ZNF362: variants seen among roughly 807,000 people sequenced by gnomAD.
The protein encoded by ZNF362 is zinc finger protein 362.
Under a neutral mutation model 42.9 loss-of-function variants are expected in ZNF362, and 11 were observed. The observed-to-expected ratio is 0.26, with a 90% confidence interval of 0.16 to 0.42. The LOEUF is 0.42. ZNF362 is among the 20% of genes least tolerant of loss of function. The pLI is 1.00. For synonymous variants in ZNF362, 255 were observed against 257.3 expected, an observed-to-expected ratio of 0.99 and a Z score of 0.09; for missense variants, 362 against 576.2, an observed-to-expected ratio of 0.63 and a Z score of 3.81.
chr1:33,165,410 G>C, the ZNF362 span: 8 of 1,177,658 alleles, frequency 6.8e-6, no homozygotes, highest in South Asian at 1.4e-5. This position sits in a 1 kb window ranked among gnomAD's most constrained non-coding sequence, Gnocchi z 4.0. Context: ...AGCTGGCCCC[G>C]CCCCTCGAAG....
intron 1 of ZNF362, among the ~76,000 whole-genome samples, chr1:33,260,780 C>T (rs1407615768): frequency 6.6e-6 from 1 of 152,118 alleles, no homozygotes; most frequent in East Asian, 1.9e-4. Flanking sequence ...TCTCCTTCCT[C>T]CCACCCCGGG....
intron 1 of ZNF362, among the ~76,000 whole-genome samples, chr1:33,264,537 T>C (rs2148068934): frequency 6.6e-6 from 1 of 152,244 alleles, no homozygotes; most frequent in South Asian, 2.1e-4. Flanking sequence ...GATGAGAAAA[T>C]TGAGGCTTGG....
chr1:33,223,090 A>T, the ZNF362 span, among the ~76,000 whole-genome samples: 4 of 152,038 alleles, frequency 2.6e-5, no homozygotes, highest in Non-Finnish European at 5.9e-5. Flanking sequence ...GTCTCTACTA[A>T]AAATACAAAA....
chr1:33,244,448 T>C, the ZNF362 span, among the ~76,000 whole-genome samples: 1 of 152,224 alleles, frequency 6.6e-6, no homozygotes, highest in Non-Finnish European at 1.5e-5. This position sits in a 1 kb window ranked among gnomAD's most constrained non-coding sequence, Gnocchi z 4.0. Flanking sequence ...TAGGCACTCT[T>C]TTAATCACTG....
At chr1:33,204,550 A>G in the ZNF362 span, among the ~76,000 whole-genome samples, 1 of 152,246 alleles carries the variant, frequency 6.6e-6, no homozygotes, top group Admixed American at 6.5e-5. Flanking sequence ...ATAAACCTGT[A>G]TATGGAATTC....
the ZNF362 span, among the ~76,000 whole-genome samples, chr1:33,248,251 C>G: frequency 6.6e-6 from 1 of 152,224 alleles, no homozygotes; most frequent in Non-Finnish European, 1.5e-5. Context: ...TAGGATTTAA[C>G]ATTGTCAGGA....
chr1:33,245,460 C>A, the ZNF362 span, among the ~76,000 whole-genome samples: 7 of 151,738 alleles, frequency 4.6e-5, no homozygotes, highest in Admixed American at 4.6e-4. Context: ...GCCCACCCCC[C>A]ACCAAAAAAA....
At chr1:33,210,636 T>C in the ZNF362 span, among the ~76,000 whole-genome samples, 1 of 152,208 alleles carries the variant, frequency 6.6e-6, no homozygotes, top group African/African-American at 2.4e-5. Context: ...ATATTTAGGA[T>C]AGTTAGCTCT....
the ZNF362 span, among the ~76,000 whole-genome samples, chr1:33,241,255 G>T: frequency 1.3e-5 from 2 of 152,162 alleles, no homozygotes; most frequent in Non-Finnish European, 2.9e-5. Flanking sequence ...AGCACTTTGG[G>T]AGGCTGAGGT....
At chr1:33,234,741 C>T in the ZNF362 span, among the ~76,000 whole-genome samples, 1 of 152,204 alleles carries the variant, frequency 6.6e-6, no homozygotes, top group Non-Finnish European at 1.5e-5. Context: ...CTGCACCTTT[C>T]AGGGCAGCAT....
At chr1:33,256,163 G>A (rs1471169950), upstream of ZNF362, among the ~76,000 whole-genome samples, 4 of 148,542 alleles carry the variant, frequency 2.7e-5, no homozygotes, top group East Asian at 2.0e-4. Context: ...GCGCAACTTT[G>A]CCAGGCGGTG....
In ZNF362 at chr1:33,262,001, G is replaced by C. The variant is rs560543894; in HGVS notation, c.-89+5347G>C. ...ATGCACAGGGTGTGCCTGGCACTTG[G>C]GGGGAGATTGAGGAAGCCAGCTGCA... On this transcript the variant is annotated intron_variant, in intron 1 of 8. Transcript: ENST00000539719. Among the ~76,000 whole-genome samples, 3 of 152,332 alleles carry C rather than the reference G, an allele frequency of 2.0e-5. No individual in the cohort carries two copies. The South Asian group carries it at 6.2e-4, about 32-fold the overall frequency.
upstream of ZNF362, among the ~76,000 whole-genome samples, chr1:33,252,300 C>T (rs780929390): frequency 6.6e-6 from 1 of 152,078 alleles, no homozygotes; most frequent in Non-Finnish European, 1.5e-5. Context: ...TGCGGTGAGC[C>T]GAGATTGCAT....
intron 6 of ZNF362, among the ~76,000 whole-genome samples, chr1:33,291,953 TAAG>T (rs1447226691): frequency 6.6e-6 from 1 of 152,250 alleles, no homozygotes; most frequent in Non-Finnish European, 1.5e-5. Flanking sequence ...CTTATCAGCT[TAAG>T]GAGATTTTGG....
chr1:33,237,054 A>G, the ZNF362 span, among the ~76,000 whole-genome samples: 1 of 152,152 alleles, frequency 6.6e-6, no homozygotes, highest in Non-Finnish European at 1.5e-5. Flanking sequence ...CTGGGCACAG[A>G]GCGAGATTCT....
chr1:33,223,016 G>A, the ZNF362 span, among the ~76,000 whole-genome samples: 1 of 152,162 alleles, frequency 6.6e-6, no homozygotes, highest in Non-Finnish European at 1.5e-5. Context: ...ACTTTGGGAG[G>A]CTGAGGTGGG....
the ZNF362 span, chr1:33,181,507 G>A: frequency 1.4e-6 from 2 of 1,472,926 alleles, no homozygotes; most frequent in South Asian, 2.7e-5. The surrounding 1 kb of genome is among the most constrained non-coding windows in gnomAD (Gnocchi z 6.5). Flanking sequence ...GTCGGAGGCA[G>A]CACCGAGGGC....
At chr1:33,148,474 C>T in the ZNF362 span, among the ~76,000 whole-genome samples, 1 of 152,128 alleles carries the variant, frequency 6.6e-6, no homozygotes, top group South Asian at 2.1e-4. Context: ...TCCCTAAGGG[C>T]AACACCACTG....
the ZNF362 span, among the ~76,000 whole-genome samples, chr1:33,158,945 A>G: frequency 2.0e-5 from 3 of 151,978 alleles, no homozygotes; most frequent in East Asian, 1.9e-4. Context: ...GGTTCAAGCA[A>G]TTCTCCTGCC....
Sources: gnomAD v4.1 joint callset for allele counts (sites outside exome capture counted in the v4.1 genomes callset) on GRCh38, gnomAD v4.1.1 for gene constraint, Gnocchi (gnomAD v3.1) non-coding constraint, MANE v1.5 for transcripts, NCBI Gene and HGNC (gene_info 2026-07-23, HGNC 2026-07-21) for gene names.